The following SFMBT2 variants were observed in gnomAD, a reference collection of about 807,000 sequenced individuals.
The protein encoded by SFMBT2 is Scm like with four mbt domains 2.
A neutral mutation model predicts 110.1 loss-of-function variants in SFMBT2; 38 were observed. That is an observed-to-expected ratio of 0.35 (90% CI 0.27 to 0.45). SFMBT2 has a LOEUF of 0.45. Among genes scored for constraint, SFMBT2 ranks in the 20% least tolerant of loss-of-function variants. The pLI, the probability that SFMBT2 is intolerant of heterozygous loss-of-function variation, is 1.00. For synonymous variants in SFMBT2, 425 were observed against 425.4 expected (o/e 1.00, Z 0.01); for missense variants, 1,011 against 1,094.9 (o/e 0.92, Z 1.08).
chr10:7,278,441 A>C (rs986729193), intron 6 of SFMBT2, among the ~76,000 whole-genome samples: 3 of 152,178 alleles, frequency 2.0e-5, no homozygotes, highest in Non-Finnish European at 2.9e-5. Context: ...ACGGAGAGAC[A>C]GAAGGCCACT....
At chr10:7,263,839 T>C (rs942099497) in intron 7 of SFMBT2, among the ~76,000 whole-genome samples, 1 of 152,192 alleles carries the variant, frequency 6.6e-6, no homozygotes, top group African/African-American at 2.4e-5. Flanking sequence ...CCTTACCCCT[T>C]TGGCTGTACC....
intron 4 of SFMBT2, among the ~76,000 whole-genome samples, chr10:7,299,638 G>C (rs1755533399): frequency 6.6e-6 from 1 of 152,164 alleles, no homozygotes; most frequent in African/African-American, 2.4e-5. Flanking sequence ...GTTGGTGGGA[G>C]TGTAAATTAG....
At chr10:7,281,195 G>A (rs939003610) in intron 6 of SFMBT2, among the ~76,000 whole-genome samples, 5 of 152,166 alleles carry the variant, frequency 3.3e-5, no homozygotes, top group South Asian at 2.1e-4. Flanking sequence ...GCAATGAGCC[G>A]AGATCATGCC....
intron 9 of SFMBT2, among the ~76,000 whole-genome samples, chr10:7,231,433 C>T (rs1236678100): frequency 6.6e-6 from 1 of 152,118 alleles, no homozygotes; most frequent in African/African-American, 2.4e-5. Context: ...CTTTATGGTC[C>T]ATACATGTTC....
intron 4 of SFMBT2, among the ~76,000 whole-genome samples, chr10:7,327,112 C>T (rs910365667): frequency 3.5e-5 from 5 of 142,870 alleles, no homozygotes; most frequent in African/African-American, 1.3e-4. Flanking sequence ...CACCAGACCA[C>T]TGGGGGAAAC....
intron 15 of SFMBT2, among the ~76,000 whole-genome samples, chr10:7,194,439 G>A (rs1374213762): frequency 6.6e-6 from 1 of 152,142 alleles, no homozygotes; most frequent in Non-Finnish European, 1.5e-5. Context: ...GACCATGTCT[G>A]CATCCACACC....
At chr10:7,286,008 C>T in intron 4 of SFMBT2, 54 bp from the exon 5 acceptor site, 4 of 816,506 alleles carry the variant, frequency 4.9e-6, no homozygotes, top group Admixed American at 1.8e-5. Context: ...AACACTTCAA[C>T]ACAGCAGCAA....
chr10:7,399,229 GGTTTT>G (rs1846007057), intron 1 of SFMBT2, among the ~76,000 whole-genome samples: 1 of 151,964 alleles, frequency 6.6e-6, no homozygotes, highest in African/African-American at 2.4e-5. Context: ...AGTTTTTTGG[GGTTTT>G]GTTTTGTTTT....
chr10:7,274,780 G>A (rs1383995211), intron 7 of SFMBT2, among the ~76,000 whole-genome samples: 3 of 151,990 alleles, frequency 2.0e-5, no homozygotes, highest in Non-Finnish European at 4.4e-5. Flanking sequence ...GCTTGAGCCT[G>A]GGAGTTTGAC....
At chr10:7,300,261 C>G (rs1842521192) in intron 4 of SFMBT2, among the ~76,000 whole-genome samples, 1 of 151,130 alleles carries the variant, frequency 6.6e-6, no homozygotes, top group African/African-American at 2.4e-5. Context: ...TGTAACAAAC[C>G]TGCACGTTCT....
chr10:7,401,665 C>G (rs1287676486), intron 1 of SFMBT2, among the ~76,000 whole-genome samples: 1 of 152,184 alleles, frequency 6.6e-6, no homozygotes, highest in Non-Finnish European at 1.5e-5. Context: ...AGGATCAACC[C>G]TGATCTTCCT....
chr10:7,367,537 T>C lies in SFMBT2; in HGVS notation c.436+112A>G, dbSNP rs1564461150. On this transcript the variant is annotated intron_variant, in intron 4 of 20. Transcript: ENST00000397167. The surrounding 1 kb of genome is among the most constrained non-coding windows in gnomAD (Gnocchi z 6.2). ...CACTCTGAAAGAACTGTGAGACCTT[T>C]GCACTAAGACCATTAGGGATTCTAC... The C allele has an allele frequency of 6.8e-7, 1 of 1,478,110 alleles. No individual in the cohort carries two copies. The highest frequency in any genetic ancestry group is 9.0e-7 in the Non-Finnish European group (1 of 1,115,028). The allele number at this position is 1,478,110 out of a possible 1,614,324, so 91.6% of individuals were successfully genotyped here. A position where few individuals can be genotyped will look rare whatever the true frequency, so the allele number is the denominator to read the frequency against.
chr10:7,373,451 T>TC (rs1845113468), intron 2 of SFMBT2, among the ~76,000 whole-genome samples: 1 of 152,154 alleles, frequency 6.6e-6, no homozygotes, highest in Non-Finnish European at 1.5e-5. Flanking sequence ...AGGTATTGCC[T>TC]CACAATCCTC....
rs1197402438 is a variant in SFMBT2 at position 7,161,780 on chromosome 10, G to A, written c.*1990C>T. On this transcript the variant is annotated 3_prime_UTR_variant, in exon 21 of 21. Transcript: ENST00000397167. ...TGTAACCATTACAGAATGTTAAGAA[G>A]GGTGAGCTTGAGCAATCAAAGTTTC... 3 of 152,186 alleles carry A rather than the reference G, an allele frequency of 2.0e-5. No homozygotes were observed. Among genetic ancestry groups the A allele is most frequent in the African/African-American group, 7.2e-5 (3 of 41,430 alleles). The allele number at this position is 152,186 out of a possible 1,614,324, so 9.4% of individuals were successfully genotyped here.
intron 8 of SFMBT2, chr10:7,246,093 A>G (rs1238460931): frequency 1.5e-5 from 14 of 945,242 alleles, no homozygotes; most frequent in Non-Finnish European, 1.3e-6. Context: ...TAAAAGACAG[A>G]TGCACATACC....
At chr10:7,347,611 A>T (rs554468623) in intron 4 of SFMBT2, among the ~76,000 whole-genome samples, 64 of 152,252 alleles carry the variant, frequency 4.2e-4, no homozygotes, top group Non-Finnish European at 2.9e-4. Flanking sequence ...GTGTTTGAAC[A>T]TAGTATTCAC....
At chr10:7,240,374 C>G (rs774986618) in intron 9 of SFMBT2, among the ~76,000 whole-genome samples, 1 of 152,166 alleles carries the variant, frequency 6.6e-6, no homozygotes, top group Non-Finnish European at 1.5e-5. Flanking sequence ...TGGCACAGAT[C>G]TCATTAGAAG....
At chr10:7,180,727 C>A (rs1053108319) in intron 16 of SFMBT2, among the ~76,000 whole-genome samples, 1 of 151,914 alleles carries the variant, frequency 6.6e-6, no homozygotes, top group African/African-American at 2.4e-5. Context: ...GATGGAAGTG[C>A]GGGAGGGACG....
At chr10:7,351,302 T>G (rs776570364) in intron 4 of SFMBT2, among the ~76,000 whole-genome samples, 8 of 152,218 alleles carry the variant, frequency 5.3e-5, no homozygotes, top group African/African-American at 9.6e-5. Flanking sequence ...CAAGGCATTA[T>G]AAGAAATCAA....
Sources: allele counts gnomAD v4.1 joint callset (sites outside exome capture counted in the v4.1 genomes callset), GRCh38; gene constraint gnomAD v4.1.1; non-coding constraint Gnocchi (gnomAD v3.1); transcripts MANE v1.5; gene names NCBI Gene and HGNC (gene_info 2026-07-23, HGNC 2026-07-21).